The following DOCK11 variants were observed in gnomAD, a reference collection of about 807,000 sequenced individuals.
DOCK11 encodes dedicator of cytokinesis protein 11.
DOCK11 carries 70 observed loss-of-function variants against 169.1 expected under a neutral mutation model. The observed-to-expected ratio is 0.41, with a 90% CI of 0.34 to 0.51. The LOEUF is 0.51. Ranked by LOEUF, DOCK11 falls within the 20% of genes least tolerant of loss-of-function variation. The probability of loss-of-function intolerance (pLI) is 0.10; values close to 1 mark genes in which losing one functional copy is unlikely to be tolerated. For missense variants in DOCK11, 1,166 were observed against 1,538.8 expected, an observed-to-expected ratio of 0.76 and a Z score of 4.05; for synonymous variants, 529 against 541.3, an observed-to-expected ratio of 0.98 and a Z score of 0.32.
At position 118,680,708 on chromosome X, in the gene DOCK11, C is replaced by T. The variant is rs2016723198; in HGVS notation, c.5671+16C>T. On this transcript the variant is annotated intron_variant, in intron 49 of 52. Transcript: ENST00000276202. ...ATCTTGACAAGTAAGTACAATTTTA[C>T]ATATTAACTTCTTATTTGTCTTGGT... The T allele has an allele frequency of 7.1e-6, 8 of 1,120,108 alleles. No individual in the cohort carries two copies. The highest frequency in any genetic ancestry group is 2.2e-5 in the South Asian group (1 of 45,708). 92.3% of individuals were successfully genotyped at this position (1,120,108 alleles called of 1,213,427 possible).
chrX:118,593,395 G>C, intron 20 of DOCK11, 58 bp downstream of exon 20: 6 of 1,085,690 alleles, frequency 5.5e-6, no homozygotes, highest in Non-Finnish European at 7.3e-6. Flanking sequence ...ACTGTCCAGG[G>C]TATAACCTCT....
chrX:118,654,925 G>T lies in DOCK11; in HGVS notation c.4933G>T (p.Val1645Leu). The T allele has an allele frequency of 8.3e-7, 1 of 1,209,609 alleles. No homozygotes were observed. Among genetic ancestry groups the T allele is most frequent in the Non-Finnish European group, 1.1e-6 (1 of 893,503 alleles). The change falls in exon 44 of 53, where the codon GTA becomes TTA. Residue 1645 changes from valine to leucine, a missense_variant. Transcript: ENST00000276202. ...TCAGGCTGCGATGTGTTATGTCCAT[G>T]TAGCAGCTCTAGTTGCAGAGTTTCT... ...FSEAAMCYVH[V>L]AALVAEFLHR...
chrX:118,654,564 G>T (rs764728026), intron 42 of DOCK11, 38 bp from the exon 43 acceptor site: 2 of 1,168,727 alleles, frequency 1.7e-6, no homozygotes, highest in South Asian at 3.6e-5. Context: ...CATCGATATT[G>T]TTGTTCAACT....
chrX:118,556,901 G>A (rs994469683), intron 6 of DOCK11, among the ~76,000 whole-genome samples: 5 of 111,034 alleles, frequency 4.5e-5, no homozygotes, highest in Non-Finnish European at 5.7e-5. Context: ...CACTCTTCAG[G>A]ATCTGTGTTC....
At chrX:118,565,899 G>A in intron 7 of DOCK11, 106 bp from the exon 8 acceptor site, 1 of 761,793 alleles carries the variant, frequency 1.3e-6, no homozygotes, top group Admixed American at 3.0e-5. Flanking sequence ...TGAAAGTCTT[G>A]ACGCACATAT....
rs778204970 is a variant in DOCK11 at position 118,578,444 on chromosome X, G to A, written c.1390-81G>A. 3.8e-6 allele frequency: 4 copies of A among 1,054,147 alleles called. No homozygotes were observed. In the East Asian group the frequency reaches 9.7e-5, roughly 26 times the overall value. The allele number at this position is 1,054,147 out of a possible 1,213,427, so 86.9% of individuals were successfully genotyped here. A position where few individuals can be genotyped will look rare whatever the true frequency, so the allele number is the denominator to read the frequency against. ...TGATCCTTTGTTGAATATGAACATT[G>A]TTTACTAAAAATCGTTAACCATAAA... On this transcript the variant is annotated intron_variant, in intron 12 of 52. Transcript: ENST00000276202.
intron 48 of DOCK11, among the ~76,000 whole-genome samples, chrX:118,679,910 T>C (rs1048136539): frequency 9.8e-6 from 1 of 102,116 alleles, no homozygotes; most frequent in African/African-American, 3.6e-5. Flanking sequence ...GGTAGTAGGA[T>C]TACAGTAATT....
At chrX:118,662,915 T>C in intron 45 of DOCK11, 123 bp downstream of exon 45, 1 of 477,553 alleles carries the variant, frequency 2.1e-6, no homozygotes, top group Non-Finnish European at 3.6e-6. Context: ...GAACTTTAAG[T>C]ATTAAAACTG....
intron 45 of DOCK11, among the ~76,000 whole-genome samples, chrX:118,667,570 A>G (rs886716761): frequency 3.6e-5 from 4 of 110,467 alleles, no homozygotes; most frequent in Admixed American, 9.7e-5. Flanking sequence ...CCACTGATCT[A>G]TTTGCCCATC....
chrX:118,643,659 A>T, intron 40 of DOCK11, 65 bp downstream of exon 40: 3 of 1,128,730 alleles, frequency 2.7e-6, no homozygotes, highest in Non-Finnish European at 3.6e-6. Context: ...AGATGGGACA[A>T]TGGGGGTCAT....
intron 14 of DOCK11, among the ~76,000 whole-genome samples, chrX:118,580,523 G>A (rs1021014272): frequency 9.0e-6 from 1 of 111,635 alleles, no homozygotes; most frequent in African/African-American, 3.3e-5. Context: ...CACCATGTTA[G>A]TCAGGCTGGT....
intron 1 of DOCK11, among the ~76,000 whole-genome samples, chrX:118,510,009 T>TAAGG (rs1194146131): frequency 8.9e-6 from 1 of 112,201 alleles, no homozygotes; most frequent in Non-Finnish European, 1.9e-5. Context: ...CTTTCACTTA[T>TAAGG]AAGGACCTTG....
At chrX:118,610,515 C>T in intron 28 of DOCK11, 97 bp downstream of exon 28, 1 of 962,646 alleles carries the variant, frequency 1.0e-6, no homozygotes, top group Non-Finnish European at 1.4e-6. Flanking sequence ...TCAGCTAGGT[C>T]TTCATAAGAC....
chrX:118,625,984 T>C (rs139075411), intron 32 of DOCK11, among the ~76,000 whole-genome samples: 5,928 of 110,856 alleles, frequency 0.053, 171 homozygotes, highest in Non-Finnish European at 0.081. Flanking sequence ...CACCTCCAAA[T>C]GTACCCTTTC....
At chrX:118,532,174 AC>A (rs1027587366) in intron 1 of DOCK11, among the ~76,000 whole-genome samples, 20 of 110,625 alleles carry the variant, frequency 1.8e-4, no homozygotes, top group Non-Finnish European at 3.2e-4. Flanking sequence ...CTGACTTAAC[AC>A]CCTTTCTAAG....
chrX:118,547,503 G>A lies in DOCK11; in HGVS notation c.558+1387G>A, dbSNP rs146390310. On this transcript the variant is annotated intron_variant, in intron 6 of 52. Transcript: ENST00000276202. ...AAACCATTTATTAAGGACTTAATAC[G>A]TACCAGACACCATACTGGGTGTTTT... 1.9e-4 allele frequency among the ~76,000 whole-genome samples: 21 copies of A among 112,266 alleles called. No homozygotes were observed. In the East Asian group the frequency reaches 5.6e-3, roughly 30 times the overall value.
chrX:118,630,486 A>G lies in DOCK11; in HGVS notation c.3882A>G (p.Ser1294=), dbSNP rs1280223804. 8.6e-7 allele frequency: 1 copy of G among 1,167,469 alleles called. No individual in the cohort carries two copies. ...ACCTGTATATAGTAAAAATGATTTCAGAAGGTGAGTTACCATCATATTAAG... is the reference window on the plus strand; with the variant it reads ...ACCTGTATATAGTAAAAATGATTTCGGAAGGTGAGTTACCATCATATTAAG... ...MCYLYIVKMI[S]EDTLLTYWNK... Residue 1294 remains serine (S), a synonymous_variant, in exon 35 of 53, where the codon TCA becomes TCG. Transcript: ENST00000276202.
At chrX:118,588,003 T>C in intron 16 of DOCK11, 134 bp from the exon 17 acceptor site, 1 of 572,143 alleles carries the variant, frequency 1.7e-6, no homozygotes, top group Admixed American at 4.8e-5. Context: ...GTGATTTTTT[T>C]GGTCAATTAC....
chrX:118,684,597 A>G (rs1212053823), intron 52 of DOCK11, among the ~76,000 whole-genome samples: 1 of 111,297 alleles, frequency 9.0e-6, no homozygotes, highest in Admixed American at 9.6e-5. Flanking sequence ...AAAAGGATTT[A>G]TATTATCATA....
Sources: gnomAD v4.1 joint callset for allele counts (sites outside exome capture counted in the v4.1 genomes callset) on GRCh38, gnomAD v4.1.1 for gene constraint, MANE v1.5 for transcripts, NCBI Gene and HGNC (gene_info 2026-07-23, HGNC 2026-07-21) for gene names.